PCLO: variants seen among roughly 807,000 people sequenced by gnomAD.
PCLO encodes the protein protein piccolo.
In PCLO, 82 loss-of-function variants were observed where a neutral mutation model predicts 427.5. The ratio of observed to expected loss-of-function variants is 0.19; its 90% CI spans 0.16 to 0.23. PCLO has a LOEUF of 0.23. Among genes scored for constraint, PCLO ranks in the 10% least tolerant of loss-of-function variants. The pLI is 1.00. For missense variants in PCLO, 6,239 were observed against 6,115.9 expected (o/e 1.02, Z -0.67); for synonymous variants, 2,357 against 2,155.4 (o/e 1.09, Z -2.59).
At chr7:82,875,017 A>T (rs1793336421) in intron 10 of PCLO, among the ~76,000 whole-genome samples, 1 of 152,170 alleles carries the variant, frequency 6.6e-6, no homozygotes, top group Admixed American at 6.6e-5. Context: ...TTTTGTCTTC[A>T]TCTTTTTTAC....
At chr7:82,779,132 G>C (rs759794637) in intron 22 of PCLO, among the ~76,000 whole-genome samples, 1 of 151,962 alleles carries the variant, frequency 6.6e-6, no homozygotes, top group Non-Finnish European at 1.5e-5. Flanking sequence ...TTATCATACA[G>C]ATATTATGAG....
intron 3 of PCLO, among the ~76,000 whole-genome samples, chr7:82,986,818 A>C (rs1796266233): frequency 1.3e-5 from 2 of 151,972 alleles, no homozygotes; most frequent in East Asian, 3.9e-4. Flanking sequence ...ATTATATCAA[A>C]TTATTGCAAT....
rs1485318368 is a variant in PCLO, at chr7:82,914,822, G to A, written c.13164C>T (p.Thr4388=). 6.2e-7 allele frequency: 1 copy of A among 1,613,462 alleles called. No homozygotes were observed. The highest frequency in any genetic ancestry group is 8.5e-7 in the Non-Finnish European group (1 of 1,179,698). ...AGTGGCTTGATCCAAACTGATCCCT[G>A]GTGTCTGCAGATATTGGTGGCAGGG... The part of the protein sequence containing the change: ...AGPLPPISAD[T]RDQFGSSHSL... The change falls in exon 7 of 25, where the codon ACC becomes ACT. Residue 4388 remains threonine, a synonymous_variant. Transcript: ENST00000333891.
intron 3 of PCLO, among the ~76,000 whole-genome samples, chr7:83,013,432 C>T (rs41596): frequency 0.25 from 38,162 of 152,016 alleles, 5,745 homozygotes; most frequent in Middle Eastern, 0.45. Context: ...AGTGATAATG[C>T]CGTTTTCTTC....
rs776920096 is a variant in PCLO, at chr7:83,134,394, C to A, written c.3156G>T (p.Ser1052=). ...GAGGACAGGTTGATTCTGGTTTGGG[C>A]GATTTCTCCAGTTTTGTGGGAAGGA... ...KAVLPTKLEK[S]PKPESTCPLC... The change falls in exon 3 of 25, where the codon TCG becomes TCT. Residue 1052 remains serine, a synonymous_variant. Coordinates refer to ENST00000333891, the MANE Select transcript of PCLO (RefSeq NM_033026.6). 3 of 1,613,630 alleles carry A rather than the reference C, an allele frequency of 1.9e-6. No individual in the cohort carries two copies. In the African/African-American group the frequency reaches 4.0e-5, roughly 22 times the overall value.
intron 3 of PCLO, among the ~76,000 whole-genome samples, chr7:83,075,129 C>G (rs1443362280): frequency 6.6e-6 from 1 of 152,020 alleles, no homozygotes; most frequent in East Asian, 1.9e-4. Flanking sequence ...ACAAAATGTA[C>G]CGGTTTGAAA....
intron 10 of PCLO, among the ~76,000 whole-genome samples, chr7:82,873,103 G>T (rs1793276987): frequency 6.6e-6 from 1 of 151,448 alleles, no homozygotes; most frequent in Non-Finnish European, 1.5e-5. Context: ...TTTAAAATAT[G>T]GAAGAAACAT....
chr7:82,995,390 A>G (rs540820037), intron 3 of PCLO, among the ~76,000 whole-genome samples: 1 of 152,130 alleles, frequency 6.6e-6, no homozygotes, highest in South Asian at 2.1e-4. Flanking sequence ...ATTGGAAGCC[A>G]GGGTGTCCGC....
At chr7:82,881,521 A>G (rs1321274178) in intron 9 of PCLO, among the ~76,000 whole-genome samples, 1 of 152,182 alleles carries the variant, frequency 6.6e-6, no homozygotes, top group Non-Finnish European at 1.5e-5. Flanking sequence ...CATAAGCCTC[A>G]TGTCTTTGGT....
chr7:83,145,786 A>G (rs913218155), intron 2 of PCLO, among the ~76,000 whole-genome samples: 6 of 152,206 alleles, frequency 3.9e-5, no homozygotes, highest in African/African-American at 1.2e-4. Context: ...ATACTCTCAC[A>G]TTACAAATAA....
chr7:83,093,470 G>A (rs561018483), intron 3 of PCLO, among the ~76,000 whole-genome samples: 6 of 98,070 alleles, frequency 6.1e-5, no homozygotes, highest in African/African-American at 1.4e-4. Context: ...ATATGTGTGT[G>A]TGTATAGATA....
chr7:83,026,230 CAT>C (rs1788492900), intron 3 of PCLO, among the ~76,000 whole-genome samples: 1 of 152,084 alleles, frequency 6.6e-6, no homozygotes, highest in African/African-American at 2.4e-5. Flanking sequence ...CAGAGACACA[CAT>C]AGGCTCAAAA....
At chr7:83,147,283 AATT>A (rs1340352945) in intron 2 of PCLO, among the ~76,000 whole-genome samples, 2 of 152,142 alleles carry the variant, frequency 1.3e-5, no homozygotes, top group East Asian at 3.9e-4. Context: ...TAAATGATTG[AATT>A]ATATTTCTTT....
chr7:82,903,447 T>G (rs1374289577), intron 8 of PCLO, among the ~76,000 whole-genome samples: 1 of 152,058 alleles, frequency 6.6e-6, no homozygotes. Context: ...GTTGCAAATC[T>G]GTGATTTCAA....
Position 82,879,462 on chromosome 7 carries a change from C to T in PCLO, c.13529G>A (p.Gly4510Asp). 1 of 1,589,282 alleles carries T rather than the reference C, an allele frequency of 6.3e-7. No individual in the cohort carries two copies. Residue 4510 changes from glycine (G) to aspartate (D), a missense_variant and splice_region_variant, in exon 10 of 25, where the codon GGT becomes GAT. Transcript: ENST00000333891. The part of the protein sequence containing the change: ...TRDSKDHTVS[G>D]NGLGIRIVGG... ...CACAATTCTAATTCCTAATCCATTA[C>T]CTGTATTAAACAATTAGCAAATTAT...
intron 1 of PCLO, among the ~76,000 whole-genome samples, chr7:83,158,613 T>A (rs1355208184): frequency 1.3e-5 from 2 of 151,984 alleles, no homozygotes; most frequent in East Asian, 3.8e-4. Context: ...TTTCACTTAA[T>A]CCATCATATT....
At position 82,922,304 on chromosome 7, in the gene PCLO, A is replaced by T. The variant is rs571894696; in HGVS notation, c.11113-5431T>A. Among the ~76,000 whole-genome samples the T allele has an allele frequency of 2.5e-4, 38 of 152,176 alleles. 1 individual carries two copies. The highest frequency in any genetic ancestry group is 8.4e-4 in the African/African-American group (35 of 41,558). On this transcript the variant is annotated intron_variant, in intron 6 of 24. Coordinates refer to ENST00000333891, the MANE Select transcript of PCLO (RefSeq NM_033026.6). ...CATGCATGTGTATATTCATCACAGC[A>T]CTATTCACGACAGCAAAGACATAGA...
intron 6 of PCLO, among the ~76,000 whole-genome samples, chr7:82,941,704 A>T (rs1795089832): frequency 1.3e-5 from 2 of 152,220 alleles, no homozygotes; most frequent in African/African-American, 4.8e-5. Context: ...AATGTTAAGA[A>T]AGTGTCAAAC....
rs759514231 is a variant in PCLO, at chr7:82,965,902, C to G, written c.3886G>C (p.Glu1296Gln). 6.2e-7 allele frequency: 1 copy of G among 1,613,796 alleles called. No individual in the cohort carries two copies. The highest frequency in any genetic ancestry group is 8.5e-7 in the Non-Finnish European group (1 of 1,179,870). Residue 1296 changes from glutamate to glutamine, a missense_variant, in exon 4 of 25, where the codon GAA becomes CAA. By Grantham distance (29) the Glu-to-Gln change is conservative. This residue lies in a region of PCLO where 4,677 missense variants were observed against 4,468.4 expected (regional missense o/e 1.05). Coordinates refer to ENST00000333891, the MANE Select transcript of PCLO (RefSeq NM_033026.6). ...TGAGGTGTGCCAGATGGTAAACCTT[C>G]CATCTTGGTCTGTGGTTGTTTCCCT... is the stretch of plus-strand genomic sequence containing the variant. ...QEGKQPQTKM[E>Q]GLPSGTPQSL...
Sources: gnomAD v4.1 joint callset for allele counts (sites outside exome capture counted in the v4.1 genomes callset) on GRCh38, gnomAD v4.1.1 for gene constraint, gnomAD v4.1.1 regional missense constraint, MANE v1.5 for transcripts, NCBI Gene and HGNC (gene_info 2026-07-23, HGNC 2026-07-21) for gene names.